The following STK31 variants were observed in gnomAD, a reference collection of about 807,000 sequenced individuals.
The protein encoded by STK31 is serine/threonine kinase 31.
A neutral mutation model predicts 129.7 loss-of-function variants in STK31; 89 were observed. The ratio of observed to expected loss-of-function variants is 0.69; its 90% CI spans 0.58 to 0.82. The LOEUF (loss-of-function observed/expected upper bound fraction) is 0.82, where lower values mean the gene tolerates loss of function less well. Among genes scored for constraint, STK31 ranks in the 40% least tolerant of loss-of-function variants. STK31 has a pLI of 0.00. For synonymous variants in STK31, 448 were observed against 395.3 expected (o/e 1.13, Z -1.58); for missense variants, 1,187 against 1,176.4 (o/e 1.01, Z -0.13).
chr7:23,786,082 A>G (rs540044447), intron 18 of STK31, among the ~76,000 whole-genome samples: 200 of 152,260 alleles, frequency 1.3e-3, no homozygotes, highest in African/African-American at 4.4e-3. Context: ...TAAATAGAAT[A>G]TGTCCTTAAT....
intron 8 of STK31, among the ~76,000 whole-genome samples, chr7:23,746,251 A>G (rs1314416904): frequency 6.6e-6 from 1 of 152,178 alleles, no homozygotes; most frequent in African/African-American, 2.4e-5. Context: ...TGTGTCTCAG[A>G]GCACATGAGG....
intron 23 of STK31, among the ~76,000 whole-genome samples, chr7:23,821,093 A>C (rs920211917): frequency 5.3e-5 from 8 of 151,734 alleles, no homozygotes; most frequent in South Asian, 2.1e-4. Context: ...GTAATTGTGA[A>C]TAGTGCTGCA....
chr7:23,784,143 T>A (rs1326491153), intron 17 of STK31, among the ~76,000 whole-genome samples: 1 of 152,120 alleles, frequency 6.6e-6, no homozygotes, highest in Non-Finnish European at 1.5e-5. Context: ...GAGATCAGCA[T>A]ATTAAATAGG....
chr7:23,816,191 G>C (rs951283755), intron 23 of STK31, among the ~76,000 whole-genome samples: 13 of 152,090 alleles, frequency 8.5e-5, no homozygotes, highest in African/African-American at 3.1e-4. Context: ...TACACTTCCT[G>C]ATTATCTCTG....
chr7:23,735,396 A>G lies in STK31; in HGVS notation c.484-142A>G, dbSNP rs184441461. 2,840 of 677,426 alleles carry G rather than the reference A, an allele frequency of 4.2e-3. 12 individuals are homozygous for G. Among genetic ancestry groups the G allele is most frequent in the Non-Finnish European group, 5.3e-3 (2,158 of 406,896 alleles). 42.0% of individuals were successfully genotyped at this position (677,426 alleles called of 1,614,324 possible). The stretch of plus-strand genomic sequence containing the variant: ...AATACATTCATATACGTGGAGATGC[A>G]TATTTGCATATTATAGCCAACAGCA... On this transcript the variant is annotated intron_variant, in intron 6 of 23. Transcript: ENST00000355870.
At chr7:23,744,013 G>T (rs1178927706) in intron 8 of STK31, among the ~76,000 whole-genome samples, 1 of 151,848 alleles carries the variant, frequency 6.6e-6, no homozygotes, top group East Asian at 1.9e-4. Flanking sequence ...TCCAACTTCT[G>T]TGCTCAATCA....
At chr7:23,779,599 G>A (rs1467658873) in intron 15 of STK31, among the ~76,000 whole-genome samples, 6 of 152,156 alleles carry the variant, frequency 3.9e-5, no homozygotes, top group African/African-American at 7.2e-5. Context: ...GGTGAGCTCC[G>A]TGGAGTCTGA....
At chr7:23,757,352 C>T (rs537072455) in intron 10 of STK31, among the ~76,000 whole-genome samples, 18 of 152,158 alleles carry the variant, frequency 1.2e-4, no homozygotes, top group East Asian at 5.8e-4. Flanking sequence ...GGAGGACCCG[C>T]GCCCGCCGGC....
At chr7:23,769,827 T>A in intron 13 of STK31, 71 bp downstream of exon 13, 2 of 960,526 alleles carry the variant, frequency 2.1e-6, no homozygotes, top group Non-Finnish European at 3.2e-6. Context: ...TAGAAAGTAT[T>A]AACCAATAAT....
intron 23 of STK31, among the ~76,000 whole-genome samples, chr7:23,830,035 C>T (rs532217820): frequency 5.3e-5 from 8 of 151,922 alleles, no homozygotes; most frequent in East Asian, 3.9e-4. Context: ...CTGCAAGCTC[C>T]GCCTCCCGGG....
chr7:23,778,919 G>A (rs6966250), intron 15 of STK31, among the ~76,000 whole-genome samples: 1 of 151,816 alleles, frequency 6.6e-6, no homozygotes, highest in Non-Finnish European at 1.5e-5. Flanking sequence ...AGATGTTCTG[G>A]TTTTTGAAAT....
intron 23 of STK31, among the ~76,000 whole-genome samples, chr7:23,822,831 G>A (rs2128130708): frequency 6.6e-6 from 1 of 152,244 alleles, no homozygotes; most frequent in Non-Finnish European, 1.5e-5. Flanking sequence ...CCACCTGTGA[G>A]TGAGAATATG....
rs73080963 is a variant in STK31 at position 23,734,048 on chromosome 7, C to G, written c.484-1490C>G. Among the ~76,000 whole-genome samples the G allele has an allele frequency of 7.2e-3, 1,101 of 152,192 alleles. 1 individual carries two copies. Among genetic ancestry groups the G allele is most frequent in the South Asian group, 0.024 (115 of 4,824 alleles). ...AAAAATGTTATTTAGTTTCTTGGAC[C>G]TTGACTTCCCCACACCCCCTATTTC... On this transcript the variant is annotated intron_variant, in intron 6 of 23. Coordinates refer to ENST00000355870, the MANE Select transcript of STK31 (RefSeq NM_031414.5).
chr7:23,758,539 C>T (rs185475509), intron 10 of STK31, among the ~76,000 whole-genome samples: 12 of 151,796 alleles, frequency 7.9e-5, no homozygotes, highest in Admixed American at 1.3e-4. Context: ...TCTTGCCTTT[C>T]TAGTTCTTTT....
chr7:23,728,297 G>A (rs1247497209), intron 5 of STK31, among the ~76,000 whole-genome samples: 1 of 151,602 alleles, frequency 6.6e-6, no homozygotes, highest in African/African-American at 2.4e-5. Context: ...AGTGGTTCAG[G>A]ATAAAAGAGA....
At chr7:23,829,582 A>G (rs1650882055) in intron 23 of STK31, among the ~76,000 whole-genome samples, 1 of 152,078 alleles carries the variant, frequency 6.6e-6, no homozygotes, top group African/African-American at 2.4e-5. Context: ...ACTGGTCTAT[A>G]GTTTTTTGTT....
At chr7:23,810,615 T>G (rs57855121) in intron 22 of STK31, among the ~76,000 whole-genome samples, 3 of 135,816 alleles carry the variant, frequency 2.2e-5, no homozygotes, top group African/African-American at 8.2e-5. Context: ...TATATATATA[T>G]ATAATATATA....
chr7:23,791,043 C>A (rs772928109), intron 22 of STK31, 97 bp downstream of exon 22: 8 of 1,132,662 alleles, frequency 7.1e-6, no homozygotes, highest in Non-Finnish European at 9.1e-6. Context: ...TAAAAAGCAG[C>A]AGACTTTTAG....
intron 23 of STK31, among the ~76,000 whole-genome samples, chr7:23,826,343 C>G (rs1794149693): frequency 1.3e-5 from 2 of 151,978 alleles, no homozygotes; most frequent in Non-Finnish European, 2.9e-5. Context: ...ATCCCTTTAA[C>G]ATTATGTAAT....
Sources: allele counts gnomAD v4.1 joint callset (sites outside exome capture counted in the v4.1 genomes callset), GRCh38; gene constraint gnomAD v4.1.1; transcripts MANE v1.5; gene names NCBI Gene and HGNC (gene_info 2026-07-23, HGNC 2026-07-21).